RHOBTB2: variants seen among roughly 807,000 people sequenced by gnomAD.
RHOBTB2 encodes rho-related BTB domain-containing protein 2.
Under a neutral mutation model 66.5 loss-of-function variants are expected in RHOBTB2, and 39 were observed. The observed-to-expected ratio is 0.59, with a 90% CI of 0.45 to 0.77. RHOBTB2 has a LOEUF of 0.77. Among genes scored for constraint, RHOBTB2 ranks in the 30% least tolerant of loss-of-function variants. RHOBTB2 has a pLI of 0.00. For missense variants in RHOBTB2, 755 were observed against 999.1 expected, an observed-to-expected ratio of 0.76 and a Z score of 3.29; for synonymous variants, 390 against 395.0, an observed-to-expected ratio of 0.99 and a Z score of 0.15.
the RHOBTB2 span, among the ~76,000 whole-genome samples, chr8:22,956,707 G>A: frequency 6.6e-6 from 1 of 152,188 alleles, no homozygotes; most frequent in Non-Finnish European, 1.5e-5. Context: ...TGTTGCCCAA[G>A]CTGGAGTGCA....
At chr8:23,005,028 G>A (rs1810904558) in intron 2 of RHOBTB2, among the ~76,000 whole-genome samples, 1 of 152,252 alleles carries the variant, frequency 6.6e-6, no homozygotes, top group South Asian at 2.1e-4. Context: ...AGGAAAGCCA[G>A]GAACAAGGGT....
At chr8:22,956,811 C>T in the RHOBTB2 span, among the ~76,000 whole-genome samples, 60 of 152,258 alleles carry the variant, frequency 3.9e-4, no homozygotes, top group Non-Finnish European at 8.1e-4. Flanking sequence ...TAGGCATGCA[C>T]CACCATGCCC....
intron 7 of RHOBTB2, among the ~76,000 whole-genome samples, chr8:23,013,381 G>C (rs1219320657): frequency 6.6e-6 from 1 of 151,978 alleles, no homozygotes. Flanking sequence ...CCTTTGCCTA[G>C]TATTCCTTTT....
chr8:22,952,284 A>G, the RHOBTB2 span, among the ~76,000 whole-genome samples: 3 of 152,056 alleles, frequency 2.0e-5, no homozygotes, highest in Admixed American at 2.0e-4. Flanking sequence ...ACCACCTGGT[A>G]GATAAGGCAC....
chr8:23,007,003 A>G lies in RHOBTB2; in HGVS notation c.758A>G (p.Glu253Gly). ...GTGCCCGACCCTCCCTCCAGCAGCG[A>G]GGAGTGCCCCGCCCACCTCCTGGAG... ...IVVPDPPSSS[E>G]ECPAHLLEDP... Residue 253 changes from glutamate (E) to glycine (G), a missense_variant, in exon 5 of 10, where the codon GAG (glutamate) becomes GGG (glycine). By Grantham distance (98) the Glu-to-Gly change is moderately conservative (BLOSUM62 -2). Coordinates refer to ENST00000251822, the MANE Select transcript of RHOBTB2 (RefSeq NM_015178.3). 1 of 1,609,518 alleles carries G rather than the reference A, an allele frequency of 6.2e-7. No individual in the cohort carries two copies. The highest frequency in any genetic ancestry group is 1.1e-5 in the South Asian group (1 of 90,960).
At chr8:22,983,857 C>G (rs911504961), upstream of RHOBTB2, among the ~76,000 whole-genome samples, 4 of 152,138 alleles carry the variant, frequency 2.6e-5, no homozygotes, top group Admixed American at 2.6e-4. Context: ...GCCTCAGCCT[C>G]CCGAGTAGCT....
Position 23,010,643 on chromosome 8 carries a change from A to G in RHOBTB2, c.1726A>G (p.Ile576Val). Reference sequence around the variant, plus strand: ...CGACCTGGATGACATGAAGCTCATCATTCTAGCCAACCGCCTCTGCCTGCC... The same window carrying G: ...CGACCTGGATGACATGAAGCTCATCGTTCTAGCCAACCGCCTCTGCCTGCC... ...SPDLDDMKLI[I>V]LANRLCLPHL... Residue 576 changes from isoleucine (I) to valine (V), a missense_variant, in exon 7 of 10, where the codon ATT becomes GTT. Physicochemically the swap from Ile to Val is conservative, Grantham distance 29. Coordinates refer to ENST00000251822, the MANE Select transcript of RHOBTB2 (RefSeq NM_015178.3). The G allele has an allele frequency of 6.2e-7, 1 of 1,614,138 alleles. No homozygotes were observed. Among genetic ancestry groups the G allele is most frequent in the Non-Finnish European group, 8.5e-7 (1 of 1,180,030 alleles).
rs997028746 is a variant in RHOBTB2, at chr8:23,019,626, T to C, written c.*2157T>C. ...CAAGGGGAACGGGAAATAGGTCTCC[T>C]AGGTGCCTGAAGCGCTGAGCAACCT... On this transcript the variant is annotated 3_prime_UTR_variant, in exon 10 of 10. Transcript: ENST00000251822. The C allele has an allele frequency of 1.3e-5, 2 of 152,664 alleles. No homozygotes were observed. The highest frequency in any genetic ancestry group is 4.8e-5 in the African/African-American group (2 of 41,436). The allele number at this position is 152,664 out of a possible 1,614,324, so 9.5% of individuals were successfully genotyped here.
chr8:22,972,999 C>A, the RHOBTB2 span, among the ~76,000 whole-genome samples: 82 of 152,324 alleles, frequency 5.4e-4, no homozygotes, highest in African/African-American at 2.0e-3. Context: ...CATAGCCTCC[C>A]TTGCCGGGAA....
chr8:23,009,656 C>T (rs1253762559), intron 6 of RHOBTB2, among the ~76,000 whole-genome samples: 3 of 152,122 alleles, frequency 2.0e-5, no homozygotes, highest in African/African-American at 7.2e-5. Flanking sequence ...GAACCAAGCA[C>T]GAGGCTGGGC....
chr8:22,981,581 C>G, the RHOBTB2 span, among the ~76,000 whole-genome samples: 1 of 152,168 alleles, frequency 6.6e-6, no homozygotes, highest in Non-Finnish European at 1.5e-5. Flanking sequence ...TTAGGGAATT[C>G]AGGAATTTGC....
Position 23,014,758 on chromosome 8 carries a change from G to A in RHOBTB2, c.1840G>A (p.Val614Met). 1.9e-6 allele frequency: 3 copies of A among 1,614,082 alleles called. No individual in the cohort carries two copies. Among genetic ancestry groups the A allele is most frequent in the Non-Finnish European group, 2.5e-6 (3 of 1,179,928 alleles). Residue 614 changes from valine to methionine, a missense_variant, in exon 8 of 10, where the codon GTG becomes ATG. By Grantham distance (21) the Val-to-Met change is conservative. Around this residue, in one of 7 missense-constraint regions of RHOBTB2, gnomAD observed 353 missense variants for 458.2 expected, o/e 0.77. Transcript: ENST00000251822. Reference sequence around the variant, plus strand: ...GGTGGACATCGATGGGGACGTCCTTGTGTTCCTGGAACTGGCTCAGGTATC... The same window carrying A: ...GGTGGACATCGATGGGGACGTCCTTATGTTCCTGGAACTGGCTCAGGTATC... The part of the protein sequence containing the change: ...MMVDIDGDVL[V>M]FLELAQFHCA...
chr8:22,955,363 A>T, the RHOBTB2 span, among the ~76,000 whole-genome samples: 7 of 152,090 alleles, frequency 4.6e-5, no homozygotes, highest in African/African-American at 1.4e-4. Flanking sequence ...CATTAAAAGG[A>T]ACCTACTGGG....
At chr8:22,958,344 AG>A in the RHOBTB2 span, among the ~76,000 whole-genome samples, 2 of 152,334 alleles carry the variant, frequency 1.3e-5, no homozygotes, top group Admixed American at 1.3e-4. Flanking sequence ...GGGGTATAAC[AG>A]GGTCAACATG....
chr8:22,996,492 G>A (rs887418862), upstream of RHOBTB2, among the ~76,000 whole-genome samples: 81 of 143,116 alleles, frequency 5.7e-4, no homozygotes, highest in Non-Finnish European at 1.0e-3. Flanking sequence ...GGGCAGAGAG[G>A]GCTGGTGTGT....
At chr8:22,990,176 A>C (rs1011004252) in intron 1 of RHOBTB2, among the ~76,000 whole-genome samples, 1 of 152,192 alleles carries the variant, frequency 6.6e-6, no homozygotes, top group Admixed American at 6.5e-5. Context: ...CTTAACATGC[A>C]TTTGATAAAT....
Position 23,017,428 on chromosome 8 carries a change from GCCT to G in RHOBTB2, c.2151_2153del (p.Ser719del), listed in dbSNP as rs771854115. ...TCCATCCTCCCCGTCTTCCTCGGCA[GCCT>G]CCTCCTCATCCCCATCTTCCTCCTC... On this transcript the variant is annotated inframe_deletion, in exon 10 of 10. Transcript: ENST00000251822. The surrounding 1 kb of genome is among the most constrained non-coding windows in gnomAD (Gnocchi z 5.3). 6.2e-6 allele frequency: 10 copies of G among 1,608,970 alleles called. No homozygotes were observed. Among genetic ancestry groups the G allele is most frequent in the Middle Eastern group, 1.6e-4 (1 of 6,074 alleles).
rs1339693762 is a variant in RHOBTB2, at chr8:23,017,082, C to G, written c.1967-170C>G. On this transcript the variant is annotated intron_variant, in intron 9 of 9. Transcript: ENST00000251822. The surrounding 1 kb of genome is among the most constrained non-coding windows in gnomAD (Gnocchi z 5.3). ...CCCAGTGCTGACTTTCAGCCCTGCT[C>G]TTTGGGAACTTTGCTTGCCTCGGAG... Among the ~76,000 whole-genome samples, 2 of 152,198 alleles carry G rather than the reference C, an allele frequency of 1.3e-5. No individual in the cohort carries two copies. The highest frequency in any genetic ancestry group is 3.9e-4 in the East Asian group (2 of 5,184).
At chr8:22,979,686 G>A in the RHOBTB2 span, among the ~76,000 whole-genome samples, 22 of 149,398 alleles carry the variant, frequency 1.5e-4, no homozygotes, top group African/African-American at 5.4e-4. Context: ...GCCAAATTAT[G>A]GGAATTCTTT....
Sources: gnomAD v4.1 joint callset for allele counts (sites outside exome capture counted in the v4.1 genomes callset) on GRCh38, gnomAD v4.1.1 for gene constraint, gnomAD v4.1.1 regional missense constraint, Gnocchi (gnomAD v3.1) non-coding constraint, MANE v1.5 for transcripts, NCBI Gene and HGNC (gene_info 2026-07-23, HGNC 2026-07-21) for gene names.